The following GALNT13 variants were observed in gnomAD, a reference collection of about 807,000 sequenced individuals.
The protein encoded by GALNT13 is UDP-GalNAc:polypeptide N-acetylgalactosaminyltransferase 13.
Under a neutral mutation model 64.2 loss-of-function variants are expected in GALNT13, and 28 were observed. That is an observed-to-expected ratio of 0.44 (90% CI 0.32 to 0.60). The LOEUF (loss-of-function observed/expected upper bound fraction) is 0.60, where lower values mean the gene tolerates loss of function less well. GALNT13 is among the 20% of genes least tolerant of loss of function. The pLI, the probability that GALNT13 is intolerant of heterozygous loss-of-function variation, is 0.05. For missense variants in GALNT13, 577 were observed against 669.8 expected, an observed-to-expected ratio of 0.86 and a Z score of 1.53; for synonymous variants, 214 against 224.6, an observed-to-expected ratio of 0.95 and a Z score of 0.42.
chr2:154,035,361 G>T (rs771081486), intron 3 of GALNT13, among the ~76,000 whole-genome samples: 4 of 151,970 alleles, frequency 2.6e-5, no homozygotes, highest in Non-Finnish European at 5.9e-5. Flanking sequence ...GAAATCAAAT[G>T]GACGTTGAAA....
chr2:153,497,432 GAC>G, the GALNT13 span, among the ~76,000 whole-genome samples: 1 of 148,558 alleles, frequency 6.7e-6, no homozygotes, highest in Admixed American at 6.8e-5. Flanking sequence ...ATTGGTGCTT[GAC>G]ACACAGAAAG....
At chr2:154,390,684 AG>A (rs1262585193) in intron 9 of GALNT13, among the ~76,000 whole-genome samples, 1 of 150,226 alleles carries the variant, frequency 6.7e-6, no homozygotes, top group African/African-American at 2.5e-5. Context: ...AAAAAATAGG[AG>A]CCCATAAATT....
At chr2:153,840,832 G>C in the GALNT13 span, among the ~76,000 whole-genome samples, 1 of 152,146 alleles carries the variant, frequency 6.6e-6, no homozygotes, top group South Asian at 2.1e-4. Context: ...AACCCAACCA[G>C]AAGTCTTTCT....
At chr2:153,676,943 G>C in the GALNT13 span, among the ~76,000 whole-genome samples, 1 of 152,034 alleles carries the variant, frequency 6.6e-6, no homozygotes, top group African/African-American at 2.4e-5. Context: ...GCAAAAGCCA[G>C]AGACATTTTG....
chr2:154,147,874 T>C (rs971414178), intron 4 of GALNT13, among the ~76,000 whole-genome samples: 1 of 151,842 alleles, frequency 6.6e-6, no homozygotes. Context: ...TGTGTTCTTA[T>C]ATTTCTTTCT....
At chr2:154,330,679 A>T (rs1025581948) in intron 9 of GALNT13, among the ~76,000 whole-genome samples, 8 of 152,070 alleles carry the variant, frequency 5.3e-5, no homozygotes, top group Admixed American at 2.0e-4. Flanking sequence ...TCTTAATAGG[A>T]TATTAACATT....
Position 153,895,776 on chromosome 2 carries a change from A to G in GALNT13, c.-176-5160A>G, listed in dbSNP as rs145412495. Among the ~76,000 whole-genome samples the G allele has an allele frequency of 5.4e-3, 820 of 152,092 alleles. 5 individuals are homozygous for G. The highest frequency in any genetic ancestry group is 0.018 in the African/African-American group (748 of 41,500). Reference sequence around the variant, plus strand: ...ATCCCAGTTCTGGGCATTTTATCCTAAGGAAACAATCACGCTGTGGCAGAA... The same window carrying G: ...ATCCCAGTTCTGGGCATTTTATCCTGAGGAAACAATCACGCTGTGGCAGAA... On this transcript the variant is annotated intron_variant, in intron 1 of 12. Transcript: ENST00000392825.
At chr2:153,425,957 C>T in the GALNT13 span, among the ~76,000 whole-genome samples, 1 of 151,670 alleles carries the variant, frequency 6.6e-6, no homozygotes, top group Non-Finnish European at 1.5e-5. Context: ...AGCAAAAATC[C>T]AAAAAACATA....
At chr2:153,211,437 C>G in the GALNT13 span, among the ~76,000 whole-genome samples, 8 of 152,134 alleles carry the variant, frequency 5.3e-5, no homozygotes. Context: ...GCCACCGCAC[C>G]CAGCCGACAA....
intron 3 of GALNT13, among the ~76,000 whole-genome samples, chr2:154,089,986 T>A (rs1701725408): frequency 6.6e-6 from 1 of 152,082 alleles, no homozygotes; most frequent in Non-Finnish European, 1.5e-5. Flanking sequence ...TGTCAGTAAT[T>A]GGGCCAGATA....
chr2:154,298,635 A>T, intron 8 of GALNT13, among the ~76,000 whole-genome samples: 1 of 80,066 alleles, frequency 1.2e-5, no homozygotes, highest in African/African-American at 4.4e-5. Flanking sequence ...TGTATATATA[A>T]TTTATATATA....
chr2:154,221,974 A>G (rs1688350488), intron 4 of GALNT13, among the ~76,000 whole-genome samples: 1 of 152,124 alleles, frequency 6.6e-6, no homozygotes, highest in Non-Finnish European at 1.5e-5. Context: ...CATTTCTTTT[A>G]TAGTTGCTTG....
intron 4 of GALNT13, among the ~76,000 whole-genome samples, chr2:154,142,409 C>T (rs944526459): frequency 1.8e-4 from 27 of 151,540 alleles, no homozygotes; most frequent in Non-Finnish European, 3.4e-4. Context: ...ATTAGCCAGG[C>T]GTGGTGTTGC....
At chr2:153,237,683 T>A in the GALNT13 span, among the ~76,000 whole-genome samples, 1 of 152,054 alleles carries the variant, frequency 6.6e-6, no homozygotes, top group African/African-American at 2.4e-5. Context: ...AATGGCTAAA[T>A]GGGACTCTGC....
chr2:153,380,640 T>C, the GALNT13 span, among the ~76,000 whole-genome samples: 21 of 152,148 alleles, frequency 1.4e-4, no homozygotes, highest in African/African-American at 5.1e-4. Context: ...TGAATGTACG[T>C]AGTATAGTGG....
intron 4 of GALNT13, among the ~76,000 whole-genome samples, chr2:154,163,674 G>A (rs561422845): frequency 2.0e-5 from 3 of 152,192 alleles, no homozygotes; most frequent in East Asian, 3.9e-4. Flanking sequence ...TAACAAGCCC[G>A]AAGCTATCTT....
At chr2:153,126,335 TATA>T in the GALNT13 span, among the ~76,000 whole-genome samples, 4 of 88,854 alleles carry the variant, frequency 4.5e-5, no homozygotes, top group African/African-American at 2.0e-4. Flanking sequence ...TATATATATA[TATA>T]TATATATATG....
At chr2:153,483,009 G>GA in the GALNT13 span, among the ~76,000 whole-genome samples, 1 of 152,146 alleles carries the variant, frequency 6.6e-6, no homozygotes, top group Non-Finnish European at 1.5e-5. Context: ...TTTCTTCTAA[G>GA]AAGTCTGGAA....
the GALNT13 span, among the ~76,000 whole-genome samples, chr2:153,071,997 T>G: frequency 1.3e-5 from 2 of 152,178 alleles, no homozygotes; most frequent in African/African-American, 2.4e-5. Flanking sequence ...CGTCTCTGTT[T>G]CCTTCACCAC....
Sources: gnomAD v4.1 joint callset for allele counts (sites outside exome capture counted in the v4.1 genomes callset) on GRCh38, gnomAD v4.1.1 for gene constraint, MANE v1.5 for transcripts, NCBI Gene and HGNC (gene_info 2026-07-23, HGNC 2026-07-21) for gene names.